Variants in ZSWIM9 observed in about 807,000 individuals in gnomAD.
ZSWIM9 encodes zinc finger SWIM-type containing 9.
ZSWIM9 carries 11 observed loss-of-function variants against 25.0 expected under a neutral mutation model. The ratio of observed to expected loss-of-function variants is 0.44; its 90% CI spans 0.28 to 0.73. The LOEUF (loss-of-function observed/expected upper bound fraction) is 0.73. ZSWIM9 is among the 30% of genes least tolerant of loss of function. The pLI, the probability that ZSWIM9 is intolerant of heterozygous loss-of-function variation, is 0.16. For missense variants in ZSWIM9, 1,070 were observed against 1,296.5 expected, an observed-to-expected ratio of 0.83 and a Z score of 2.68; for synonymous variants, 562 against 582.1, an observed-to-expected ratio of 0.97 and a Z score of 0.50.
chr19:48,177,549 G>A (rs931111884), intron 2 of ZSWIM9, among the ~76,000 whole-genome samples: 22 of 152,180 alleles, frequency 1.4e-4, no homozygotes, highest in African/African-American at 4.6e-4. Flanking sequence ...GAAAAATGGC[G>A]TGTTGAAGCA....
intron 3 of ZSWIM9, among the ~76,000 whole-genome samples, chr19:48,192,798 G>T (rs75874402): frequency 0.01 from 1,580 of 152,012 alleles, 22 homozygotes; most frequent in African/African-American, 0.036. Context: ...ACAGCAAAAG[G>T]ATACAGAGTA....
At position 48,195,902 on chromosome 19, in the gene ZSWIM9, A is replaced by C; in HGVS notation, c.1838A>C (p.Gln613Pro). 1 of 1,389,198 alleles carries C rather than the reference A, an allele frequency of 7.2e-7. No homozygotes were observed. The highest frequency in any genetic ancestry group is 9.3e-7 in the Non-Finnish European group (1 of 1,076,494). 86.1% of individuals were successfully genotyped at this position (1,389,198 alleles called of 1,614,324 possible). Residue 613 changes from glutamine (Q) to proline (P), a missense_variant, in exon 4 of 4, where the codon CAG (glutamine) becomes CCG (proline). Gln to Pro is a moderately conservative substitution (Grantham distance 76). This residue lies in a region of ZSWIM9 where 583 missense variants were observed against 624.7 expected (regional missense o/e 0.93). Coordinates refer to ENST00000614654, the MANE Select transcript of ZSWIM9 (RefSeq NM_199341.4). This position sits in a 1 kb window ranked among gnomAD's most constrained non-coding sequence, Gnocchi z 5.8. ...RRSTTDLRGT[Q>P]FDYERVRSLE... is the part of the protein sequence containing the mutation. ...AGTACCACCGACCTGAGGGGGACCC[A>C]GTTTGACTATGAGAGGGTCAGGAGT...
intron 3 of ZSWIM9, among the ~76,000 whole-genome samples, chr19:48,189,240 A>T (rs2037065866): frequency 6.6e-6 from 1 of 152,204 alleles, no homozygotes; most frequent in Non-Finnish European, 1.5e-5. Flanking sequence ...GAAACAACCC[A>T]GACTCCACCA....
intron 1 of ZSWIM9, chr19:48,171,220 C>A (rs2036799499): frequency 1.0e-6 from 1 of 985,216 alleles, no homozygotes; most frequent in African/African-American, 1.7e-5. Flanking sequence ...ACGCCAGAGG[C>A]ACATCTGGGG....
Position 48,171,940 on chromosome 19 carries a change from C to T in ZSWIM9, c.138C>T (p.Phe46=), listed in dbSNP as rs1419140914. Residue 46 remains phenylalanine, a synonymous_variant, in exon 2 of 4, where the codon TTC becomes TTT. Transcript: ENST00000614654. Reference sequence around the variant, plus strand: ...GCCAGCAGCGGCTGGCGCTCTTCTTCGTCAAGAGCTCCATGCACCTGGCGC... The same window carrying T: ...GCCAGCAGCGGCTGGCGCTCTTCTTTGTCAAGAGCTCCATGCACCTGGCGC... ...AWCQQRLALF[F]VKSSMHLARC... The T allele has an allele frequency of 2.6e-6, 4 of 1,535,814 alleles. No individual in the cohort carries two copies. Among genetic ancestry groups the T allele is most frequent in the East Asian group, 2.4e-5 (1 of 40,904 alleles).
At position 48,173,250 on chromosome 19, in the gene ZSWIM9, TCA is replaced by T. The variant is rs780999080; in HGVS notation, c.275+1177_275+1178del. ...GGTGAGAAATCCAGGAGAGCCAGAA[TCA>T]CACCCAGGTGGCCAGGGGTATTTTA... On this transcript the variant is annotated intron_variant, in intron 2 of 3. Transcript: ENST00000614654. Among the ~76,000 whole-genome samples, 43 of 152,298 alleles carry T rather than the reference TCA, an allele frequency of 2.8e-4. No individual in the cohort carries two copies. The Middle Eastern group carries it at 0.014, about 48-fold the overall frequency.
In ZSWIM9 at chr19:48,194,036, A is replaced by G. The variant is rs2037128791; in HGVS notation, c.589-617A>G. On this transcript the variant is annotated intron_variant, in intron 3 of 3. Coordinates refer to ENST00000614654, the MANE Select transcript of ZSWIM9 (RefSeq NM_199341.4). The surrounding 1 kb of genome is among the most constrained non-coding windows in gnomAD (Gnocchi z 6.0). ...AGGGAATATGGAGGTTAAGGAGGCA[A>G]CTGAGGCACAGAGAGGTTAAATCGC... 1.3e-5 allele frequency among the ~76,000 whole-genome samples: 2 copies of G among 152,182 alleles called. No homozygotes were observed. The highest frequency in any genetic ancestry group is 4.1e-4 in the South Asian group (2 of 4,826).
At chr19:48,177,032 G>A (rs2036900785) in intron 2 of ZSWIM9, among the ~76,000 whole-genome samples, 2 of 151,960 alleles carry the variant, frequency 1.3e-5, no homozygotes, top group African/African-American at 2.4e-5. Context: ...CCAAGATTGT[G>A]CCACTGGGGA....
chr19:48,171,091 A>G (rs1382028282), intron 1 of ZSWIM9: 2 of 291,078 alleles, frequency 6.9e-6, no homozygotes, highest in African/African-American at 4.5e-5. Context: ...CTGTAGGCGA[A>G]GCGTGGATAA....
In ZSWIM9 at chr19:48,182,285, G is replaced by C. The variant is rs1442283365; in HGVS notation, c.276-170G>C. The C allele has an allele frequency of 3.3e-6, 2 of 614,130 alleles. No homozygotes were observed. Among genetic ancestry groups the C allele is most frequent in the Middle Eastern group, 4.4e-4 (1 of 2,296 alleles). The allele number at this position is 614,130 out of a possible 1,614,324, so 38.0% of individuals were successfully genotyped here. A position where few individuals can be genotyped will look rare whatever the true frequency, so the allele number is the denominator to read the frequency against. On this transcript the variant is annotated intron_variant, in intron 2 of 3. Coordinates refer to ENST00000614654, the MANE Select transcript of ZSWIM9 (RefSeq NM_199341.4). The surrounding 1 kb of genome is among the most constrained non-coding windows in gnomAD (Gnocchi z 4.6). ...TAACCTATGAGGAAACTGAGGCATA[G>C]AGACTTGAAGTGACTTGCCCCAGGT...
intron 3 of ZSWIM9, chr19:48,187,592 A>T (rs1461379253): frequency 7.5e-5 from 3 of 39,776 alleles, no homozygotes; most frequent in Non-Finnish European, 1.8e-4. Flanking sequence ...ATATTATATA[A>T]TATAATATTA....
intron 3 of ZSWIM9, among the ~76,000 whole-genome samples, chr19:48,190,129 G>C (rs2037076761): frequency 6.6e-6 from 1 of 151,764 alleles, no homozygotes; most frequent in South Asian, 2.1e-4. Flanking sequence ...CTTAAACCTG[G>C]GGTGGCGGAG....
In ZSWIM9 at chr19:48,194,322, C is replaced by T. The variant is rs761259166; in HGVS notation, c.589-331C>T. ...GGGCCCACATTTTGAGACCCACTGCCCTAGACTGCCTCTCAGCACACGGAG... is the reference window on the plus strand; with the variant it reads ...GGGCCCACATTTTGAGACCCACTGCTCTAGACTGCCTCTCAGCACACGGAG... On this transcript the variant is annotated intron_variant, in intron 3 of 3. Transcript: ENST00000614654. This position sits in a 1 kb window ranked among gnomAD's most constrained non-coding sequence, Gnocchi z 6.0. 6.6e-6 allele frequency among the ~76,000 whole-genome samples: 1 copy of T among 152,048 alleles called. No individual in the cohort carries two copies. Among genetic ancestry groups the T allele is most frequent in the African/African-American group, 2.4e-5 (1 of 41,408 alleles).
Position 48,182,552 on chromosome 19 carries a change from C to A in ZSWIM9, c.373C>A (p.Pro125Thr). The change falls in exon 3 of 4, where the codon CCG (proline) becomes ACG (threonine). Residue 125 changes from proline to threonine, a missense_variant. By Grantham distance (38) the Pro-to-Thr change is conservative. This residue lies in a region of ZSWIM9 where 265 missense variants were observed against 339.0 expected (regional missense o/e 0.78). Coordinates refer to ENST00000614654, the MANE Select transcript of ZSWIM9 (RefSeq NM_199341.4). This position sits in a 1 kb window ranked among gnomAD's most constrained non-coding sequence, Gnocchi z 4.6. ...GGAGTGCCAGCTGACCCACTCACAC[C>A]CGGCCTGCCCGCTGGAGTTCGCCTA... ...VTECQLTHSH[P>T]ACPLEFAYYF... 1 of 1,535,910 alleles carries A rather than the reference C, an allele frequency of 6.5e-7. No individual in the cohort carries two copies. Among genetic ancestry groups the A allele is most frequent in the Non-Finnish European group, 8.7e-7 (1 of 1,146,764 alleles).
chr19:48,171,826 C>T lies in ZSWIM9; in HGVS notation c.24C>T (p.Pro8=). 4 of 1,533,568 alleles carry T rather than the reference C, an allele frequency of 2.6e-6. No homozygotes were observed. The highest frequency in any genetic ancestry group is 3.5e-6 in the Non-Finnish European group (4 of 1,145,900). 95.0% of individuals were successfully genotyped at this position (1,533,568 alleles called of 1,614,324 possible). MERPEPP[P]GTAAGQEEQE... is the part of the protein sequence containing the mutation. ...GGATGGAGCGGCCGGAGCCCCCACC[C>T]GGCACGGCTGCGGGGCAGGAGGAGC... Residue 8 remains proline (P), a synonymous_variant, in exon 2 of 4, where the codon CCC becomes CCT. Coordinates refer to ENST00000614654, the MANE Select transcript of ZSWIM9 (RefSeq NM_199341.4).
chr19:48,192,193 G>A (rs573088243), intron 3 of ZSWIM9, among the ~76,000 whole-genome samples: 41 of 151,620 alleles, frequency 2.7e-4, no homozygotes, highest in African/African-American at 9.4e-4. Flanking sequence ...CTCTGTGCCT[G>A]AGCCAGCACA....
rs1274469306 is a variant in ZSWIM9 at position 48,197,001 on chromosome 19, A to ACTTAC, written c.*174_*175insCTTAC. ...CTCTCTGGGTCCAAGGGCAAGCTGTAAGTGGTCTCTGAGGTCCTGGAGCCA... is the reference window on the plus strand; with the variant it reads ...CTCTCTGGGTCCAAGGGCAAGCTGTACTTACAGTGGTCTCTGAGGTCCTGGAGCCA... On this transcript the variant is annotated 3_prime_UTR_variant, in exon 4 of 4. Coordinates refer to ENST00000614654, the MANE Select transcript of ZSWIM9 (RefSeq NM_199341.4). 3 of 620,040 alleles carry ACTTAC rather than the reference A, an allele frequency of 4.8e-6. No homozygotes were observed. The highest frequency in any genetic ancestry group is 7.7e-6 in the Non-Finnish European group (3 of 391,118). 38.4% of individuals were successfully genotyped at this position (620,040 alleles called of 1,614,324 possible).
At chr19:48,176,913 TAAAA>T (rs111913140) in intron 2 of ZSWIM9, among the ~76,000 whole-genome samples, 1 of 145,452 alleles carries the variant, frequency 6.9e-6, no homozygotes. Flanking sequence ...AAATAAAAAT[TAAAA>T]AAAAAAAATT....
At chr19:48,187,586 TATATA>T (rs1367072303) in intron 3 of ZSWIM9, 2 of 68,664 alleles carry the variant, frequency 2.9e-5, no homozygotes, top group African/African-American at 4.7e-5. Context: ...TATTATATAT[TATATA>T]ATATAATATT....
Sources: allele counts gnomAD v4.1 joint callset (sites outside exome capture counted in the v4.1 genomes callset), GRCh38; gene constraint gnomAD v4.1.1; regional missense constraint gnomAD v4.1.1; non-coding constraint Gnocchi (gnomAD v3.1); transcripts MANE v1.5; gene names NCBI Gene and HGNC (gene_info 2026-07-23, HGNC 2026-07-21).